Variants in DAB1 observed in about 807,000 individuals in gnomAD.
DAB1 encodes disabled homolog 1.
In DAB1, 15 loss-of-function variants were observed where a neutral mutation model predicts 64.6. That is an observed-to-expected ratio of 0.23 (90% CI 0.16 to 0.36). DAB1 has a LOEUF of 0.36. Among genes scored for constraint, DAB1 ranks in the 10% least tolerant of loss-of-function variants. The pLI is 1.00. For synonymous variants in DAB1, 235 were observed against 251.9 expected (o/e 0.93, Z 0.64); for missense variants, 596 against 706.7 (o/e 0.84, Z 1.78).
chr1:58,284,802 C>T (rs1661645218), intron 4 of DAB1, among the ~76,000 whole-genome samples: 1 of 152,194 alleles, frequency 6.6e-6, no homozygotes, highest in African/African-American at 2.4e-5. Context: ...GGAAACAGCC[C>T]TCCAGTTGAT....
intron 4 of DAB1, among the ~76,000 whole-genome samples, chr1:58,317,318 G>A (rs1403432010): frequency 6.6e-6 from 1 of 152,214 alleles, no homozygotes; most frequent in Non-Finnish European, 1.5e-5. Flanking sequence ...CACGCCCTAA[G>A]CCTTGGAACA....
chr1:58,298,024 T>A (rs1285657784), intron 4 of DAB1, among the ~76,000 whole-genome samples: 1 of 152,206 alleles, frequency 6.6e-6, no homozygotes. Flanking sequence ...AGTATTATGA[T>A]TAAAAAATAT....
chr1:58,168,459 C>G (rs1321940297), intron 4 of DAB1, among the ~76,000 whole-genome samples: 1 of 152,158 alleles, frequency 6.6e-6, no homozygotes, highest in Non-Finnish European at 1.5e-5. Flanking sequence ...TCTCGTCTCT[C>G]TTCTCTGAGG....
At chr1:57,687,121 A>T (rs1646707088) in intron 6 of DAB1, among the ~76,000 whole-genome samples, 1 of 152,198 alleles carries the variant, frequency 6.6e-6, no homozygotes, top group African/African-American at 2.4e-5. Context: ...TTCACTCATG[A>T]TATATTTCTA....
chr1:58,032,956 A>T (rs1646991866), intron 5 of DAB1, among the ~76,000 whole-genome samples: 1 of 152,158 alleles, frequency 6.6e-6, no homozygotes, highest in Non-Finnish European at 1.5e-5. Flanking sequence ...CACATTCATC[A>T]GTCCAAAGTC....
chr1:57,287,068 ATGTTT>A (rs76837055), intron 2 of DAB1, among the ~76,000 whole-genome samples: 35 of 152,250 alleles, frequency 2.3e-4, no homozygotes, highest in Non-Finnish European at 3.1e-4. Flanking sequence ...CTAACAAGGT[ATGTTT>A]TGTTTTGTTT....
intron 5 of DAB1, among the ~76,000 whole-genome samples, chr1:58,146,307 T>A (rs540961492): frequency 1.3e-5 from 2 of 152,168 alleles, no homozygotes; most frequent in East Asian, 3.8e-4. Flanking sequence ...AATTAACATA[T>A]CCATATGTTC....
chr1:57,640,173 C>T (rs768217003), intron 7 of DAB1, among the ~76,000 whole-genome samples: 6 of 152,140 alleles, frequency 3.9e-5, no homozygotes, highest in Non-Finnish European at 7.4e-5. Flanking sequence ...TTCCTCATCA[C>T]TTGGGGCCTC....
At chr1:58,390,325 T>A (rs916016953) in intron 3 of DAB1, among the ~76,000 whole-genome samples, 2 of 151,848 alleles carry the variant, frequency 1.3e-5, no homozygotes, top group African/African-American at 4.8e-5. Flanking sequence ...ATTACCAGGA[T>A]CATGTCCATC....
chr1:57,908,246 C>A (rs1271820703), intron 5 of DAB1, among the ~76,000 whole-genome samples: 2 of 152,070 alleles, frequency 1.3e-5, no homozygotes, highest in Non-Finnish European at 2.9e-5. Context: ...GCTCTGATGA[C>A]TCTGGGAGAC....
chr1:57,604,530 A>C (rs928867232), intron 7 of DAB1, among the ~76,000 whole-genome samples: 1 of 152,160 alleles, frequency 6.6e-6, no homozygotes, highest in Non-Finnish European at 1.5e-5. Context: ...CTCAGACATC[A>C]TTTTGTAGCA....
At chr1:57,226,998 T>G (rs1437507924) in intron 2 of DAB1, among the ~76,000 whole-genome samples, 3 of 147,486 alleles carry the variant, frequency 2.0e-5, no homozygotes. Flanking sequence ...GGCAACATAG[T>G]GAGACACCAT....
chr1:57,319,686 T>A (rs774235461), intron 1 of DAB1, among the ~76,000 whole-genome samples: 25 of 152,182 alleles, frequency 1.6e-4, no homozygotes, highest in Non-Finnish European at 3.7e-4. Flanking sequence ...AGCCAGATAC[T>A]TGCTTTCTTG....
intron 2 of DAB1, chr1:58,527,246 T>C (rs1266878439): frequency 1.1e-6 from 1 of 871,852 alleles, no homozygotes; most frequent in Admixed American, 1.7e-5. Context: ...TATTCTCAAC[T>C]ACTAAACACT....
chr1:57,603,888 A>G (rs758935770), intron 7 of DAB1, among the ~76,000 whole-genome samples: 1 of 152,204 alleles, frequency 6.6e-6, no homozygotes, highest in Non-Finnish European at 1.5e-5. Context: ...CCACATTTGC[A>G]TATTCATCAG....
chr1:58,157,846 T>C (rs866641395), intron 4 of DAB1, among the ~76,000 whole-genome samples: 12 of 152,228 alleles, frequency 7.9e-5, no homozygotes, highest in Middle Eastern at 3.4e-3. Flanking sequence ...CTACAAACAT[T>C]TGAGAATATT....
chr1:58,195,238 G>A (rs1031541030), intron 4 of DAB1, among the ~76,000 whole-genome samples: 4 of 152,152 alleles, frequency 2.6e-5, no homozygotes, highest in Admixed American at 2.6e-4. Flanking sequence ...TGCTGTATTT[G>A]TTGAGCCCAA....
rs1229470313 is a variant in DAB1, at chr1:58,273,718, C to T, written n.309+69634G>A. Among the ~76,000 whole-genome samples, 2 of 22,070 alleles carry T rather than the reference C, an allele frequency of 9.1e-5. 1 individual carries two copies. Among genetic ancestry groups the T allele is most frequent in the African/African-American group, 2.8e-4 (2 of 7,072 alleles). 14.5% of individuals were successfully genotyped at this position (22,070 alleles called of 152,430 possible). ...GAGGCTTTGCTCACTACTTTTTATT[C>T]GTTTTTCTCTAAACTTCCCTTCTCG... On this transcript the variant is annotated intron_variant and non_coding_transcript_variant, in intron 4 of 20. Coordinates refer to the DAB1 transcript ENST00000485760.
chr1:57,311,233 A>G (rs951022409), intron 1 of DAB1, among the ~76,000 whole-genome samples: 2 of 151,992 alleles, frequency 1.3e-5, no homozygotes, highest in Non-Finnish European at 2.9e-5. Context: ...AGGATGATGG[A>G]ACAAAGTACA....
Sources: gnomAD v4.1 joint callset for allele counts (sites outside exome capture counted in the v4.1 genomes callset) on GRCh38, gnomAD v4.1.1 for gene constraint, MANE v1.5 for transcripts, NCBI Gene and HGNC (gene_info 2026-07-23, HGNC 2026-07-21) for gene names.